The following SLC45A4 variants were observed in gnomAD, a reference collection of about 807,000 sequenced individuals.
The protein encoded by SLC45A4 is polyamine-transporter SLC45A4.
SLC45A4 carries 32 observed loss-of-function variants against 63.7 expected under a neutral mutation model. That is an observed-to-expected ratio of 0.50 (90% CI 0.38 to 0.67). The LOEUF is 0.67. Ranked by LOEUF, SLC45A4 falls within the 30% of genes least tolerant of loss-of-function variation. SLC45A4 has a pLI of 0.00. For synonymous variants in SLC45A4, 535 were observed against 510.0 expected (o/e 1.05, Z -0.66); for missense variants, 1,027 against 1,157.7 (o/e 0.89, Z 1.64).
chr8:141,256,576 C>T lies in SLC45A4; in HGVS notation c.-400-1947G>A, dbSNP rs548212974. ...TGTACAGGAGGTTCTGGAAGGAAGC[C>T]GTGCGCCTGGCTCTTACGTCCCAGC... On this transcript the variant is annotated intron_variant, in intron 1 of 8. Coordinates refer to ENST00000517878, the MANE Select transcript of SLC45A4 (RefSeq NM_001286646.2). This position sits in a 1 kb window ranked among gnomAD's most constrained non-coding sequence, Gnocchi z 4.3. 4.4e-5 allele frequency: 20 copies of T among 456,138 alleles called. No individual in the cohort carries two copies. The highest frequency in any genetic ancestry group is 2.2e-4 in the South Asian group (14 of 64,574). The allele number at this position is 456,138 out of a possible 1,614,324, so 28.3% of individuals were successfully genotyped here. A position where few individuals can be genotyped will look rare whatever the true frequency, so the allele number is the denominator to read the frequency against.
intron 2 of SLC45A4, among the ~76,000 whole-genome samples, chr8:141,242,174 A>G (rs1047411316): frequency 2.6e-5 from 4 of 152,238 alleles, no homozygotes; most frequent in Admixed American, 1.3e-4. Flanking sequence ...ATAAAAACCC[A>G]CAGACTCAAA....
intron 7 of SLC45A4, among the ~76,000 whole-genome samples, chr8:141,213,675 A>G (rs1004018149): frequency 6.6e-6 from 1 of 152,278 alleles, no homozygotes; most frequent in Admixed American, 6.5e-5. Flanking sequence ...AAGGCAGGAG[A>G]CAGCAAAGGG....
Position 141,227,403 on chromosome 8 carries a change from C to A in SLC45A4, c.242-5638G>T, listed in dbSNP as rs1204534927. The stretch of plus-strand genomic sequence containing the variant: ...CGCAATGGGAACAGGAACTTGCATT[C>A]TTTCTTTCAATGGACAAAGCTTCCA... On this transcript the variant is annotated intron_variant, in intron 2 of 8. Coordinates refer to ENST00000517878, the MANE Select transcript of SLC45A4 (RefSeq NM_001286646.2). The surrounding 1 kb of genome is among the most constrained non-coding windows in gnomAD (Gnocchi z 4.4). Among the ~76,000 whole-genome samples the A allele has an allele frequency of 6.6e-6, 1 of 152,204 alleles. No individual in the cohort carries two copies. The highest frequency in any genetic ancestry group is 2.4e-5 in the African/African-American group (1 of 41,456).
At chr8:141,294,477 G>C (rs968551325) in intron 1 of SLC45A4, among the ~76,000 whole-genome samples, 1 of 152,224 alleles carries the variant, frequency 6.6e-6, no homozygotes, top group Non-Finnish European at 1.5e-5. Context: ...GTGGGGACAA[G>C]GCTGGCCTGA....
At chr8:141,259,417 C>G (rs535063316) in intron 1 of SLC45A4, among the ~76,000 whole-genome samples, 3 of 152,352 alleles carry the variant, frequency 2.0e-5, no homozygotes, top group African/African-American at 7.2e-5. Flanking sequence ...GTCGAGGGAT[C>G]ACCCTTCGGA....
intron 7 of SLC45A4, among the ~76,000 whole-genome samples, chr8:141,214,741 G>A (rs1826037546): frequency 6.6e-6 from 1 of 152,216 alleles, no homozygotes; most frequent in Non-Finnish European, 1.5e-5. Context: ...GAGACTAGCG[G>A]AAGAGAAGAG....
At position 141,219,845 on chromosome 8, in the gene SLC45A4, G is replaced by A. The variant is rs754723964; in HGVS notation, c.431-16C>T. 5.8e-6 allele frequency: 9 copies of A among 1,554,378 alleles called. No individual in the cohort carries two copies. The highest frequency in any genetic ancestry group is 5.7e-5 in the Admixed American group (3 of 52,710). On this transcript the variant is annotated splice_polypyrimidine_tract_variant and intron_variant, in intron 3 of 8. Coordinates refer to ENST00000517878, the MANE Select transcript of SLC45A4 (RefSeq NM_001286646.2). ...AGGGCCAGACCTGCGCAGAGCACAC[G>A]GGAGGGCGGTCAGGTCCTCAAGCAC...
rs150117417 is a variant in SLC45A4, at chr8:141,212,230, C to G, written c.2268G>C (p.Glu756Asp). ...CTGTCTCCACCGGTCCCTGCAGGCC[C>G]TCCTTCCGCGTGAGCTTCAGCACGG... ...KPTVLKLTRK[E>D]GLQGPVETES... Residue 756 changes from glutamate to aspartate, a missense_variant, in exon 8 of 9, where the codon GAG becomes GAC. Physicochemically the swap from Glu to Asp is conservative, Grantham distance 45. Transcript: ENST00000517878. 2,406 of 1,554,854 alleles carry G rather than the reference C, an allele frequency of 1.5e-3. 43 individuals carry two copies. The African/African-American group carries it at 0.029, about 19-fold the overall frequency.
At chr8:141,307,194 G>A (rs1467986190) in intron 1 of SLC45A4, among the ~76,000 whole-genome samples, 1 of 152,244 alleles carries the variant, frequency 6.6e-6, no homozygotes, top group Non-Finnish European at 1.5e-5. Context: ...GCTGCTGGAA[G>A]TGCTCCAATC....
chr8:141,243,077 G>T (rs1827997264), intron 2 of SLC45A4, among the ~76,000 whole-genome samples: 1 of 152,174 alleles, frequency 6.6e-6, no homozygotes, highest in South Asian at 2.1e-4. Context: ...CTGCTCCGGG[G>T]TCCCTCCACA....
chr8:141,261,389 A>G (rs1344538661), intron 1 of SLC45A4, among the ~76,000 whole-genome samples: 2 of 152,118 alleles, frequency 1.3e-5, no homozygotes, highest in Non-Finnish European at 2.9e-5. Flanking sequence ...TAGGCAGAAG[A>G]AGGAAATAAA....
intron 2 of SLC45A4, among the ~76,000 whole-genome samples, chr8:141,234,826 C>T (rs1569558392): frequency 6.6e-6 from 1 of 152,328 alleles, no homozygotes; most frequent in South Asian, 2.1e-4. Flanking sequence ...CCCCTCCCCC[C>T]AGCACAGCCA....
intron 1 of SLC45A4, among the ~76,000 whole-genome samples, chr8:141,306,172 C>T (rs549635345): frequency 2.0e-5 from 3 of 152,348 alleles, no homozygotes; most frequent in African/African-American, 7.2e-5. Context: ...CCACTCCCCC[C>T]ACGAGGCCCG....
intron 1 of SLC45A4, among the ~76,000 whole-genome samples, chr8:141,269,983 AT>A (rs1829450607): frequency 1.3e-5 from 2 of 152,000 alleles, no homozygotes; most frequent in South Asian, 4.2e-4. Flanking sequence ...TGCTGACCAT[AT>A]GGGGCGGCCT....
chr8:141,241,270 C>T (rs1490067677), intron 2 of SLC45A4, among the ~76,000 whole-genome samples: 3 of 152,232 alleles, frequency 2.0e-5, no homozygotes, highest in East Asian at 1.9e-4. Flanking sequence ...GACGGCTCAC[C>T]GGCAACGTGG....
chr8:141,214,197 A>T (rs1012733040), intron 7 of SLC45A4, among the ~76,000 whole-genome samples: 1 of 151,994 alleles, frequency 6.6e-6, no homozygotes, highest in Non-Finnish European at 1.5e-5. Context: ...GTCTCCAAAA[A>T]AAAAAAAAAA....
At chr8:141,259,240 G>A (rs6578155) in intron 1 of SLC45A4, among the ~76,000 whole-genome samples, 42,057 of 152,198 alleles carry the variant, frequency 0.28, 6,312 homozygotes, top group East Asian at 0.48. Flanking sequence ...AGGGCAAGCC[G>A]CCAGACACCG....
At chr8:141,307,074 G>A (rs1830918796) in intron 1 of SLC45A4, among the ~76,000 whole-genome samples, 1 of 152,164 alleles carries the variant, frequency 6.6e-6, no homozygotes, top group African/African-American at 2.4e-5. Context: ...GGCTCCTTAG[G>A]AGGTCAAGCG....
At chr8:141,307,162 A>G (rs1381685523) in intron 1 of SLC45A4, among the ~76,000 whole-genome samples, 2 of 152,104 alleles carry the variant, frequency 1.3e-5, no homozygotes, top group African/African-American at 4.8e-5. Flanking sequence ...CCCCGTGTGG[A>G]TCCGCCTCCG....
Sources: allele counts gnomAD v4.1 joint callset (sites outside exome capture counted in the v4.1 genomes callset), GRCh38; gene constraint gnomAD v4.1.1; non-coding constraint Gnocchi (gnomAD v3.1); transcripts MANE v1.5; gene names NCBI Gene and HGNC (gene_info 2026-07-23, HGNC 2026-07-21).